The following ARHGAP18 variants were observed in gnomAD, a reference collection of about 807,000 sequenced individuals.
The protein encoded by ARHGAP18 is Rho GTPase activating protein 18, also known as rho GTPase-activating protein 18.
ARHGAP18 carries 67 observed loss-of-function variants against 86.2 expected under a neutral mutation model. The ratio of observed to expected loss-of-function variants is 0.78; its 90% CI spans 0.64 to 0.95. The LOEUF is 0.95. ARHGAP18 is among the 40% of genes least tolerant of loss of function. The probability of loss-of-function intolerance (pLI) is 0.00; values close to 1 mark genes in which losing one functional copy is unlikely to be tolerated. For missense variants in ARHGAP18, 691 were observed against 780.4 expected (o/e 0.89, Z 1.37); for synonymous variants, 283 against 280.4 (o/e 1.01, Z -0.09).
intron 13 of ARHGAP18, among the ~76,000 whole-genome samples, chr6:129,580,832 G>A (rs1788272382): frequency 6.6e-6 from 1 of 152,000 alleles, no homozygotes; most frequent in Admixed American, 6.6e-5. Context: ...CTGAGATTGT[G>A]CCACTGCACT....
rs1183077901 is a variant in ARHGAP18 at position 129,607,878 on chromosome 6, A to G, written c.1282+15T>C. Reference sequence around the variant, plus strand: ...CACCAGCAGAAGGACTGCTTCAAAGAGGGATAGCACTTACTCTGGACAGCC... The same window carrying G: ...CACCAGCAGAAGGACTGCTTCAAAGGGGGATAGCACTTACTCTGGACAGCC... On this transcript the variant is annotated intron_variant, in intron 9 of 14. Coordinates refer to ENST00000368149, the MANE Select transcript of ARHGAP18 (RefSeq NM_033515.3). The G allele has an allele frequency of 1.3e-6, 2 of 1,571,730 alleles. No homozygotes were observed. Among genetic ancestry groups the G allele is most frequent in the African/African-American group, 1.4e-5 (1 of 72,584 alleles).
intron 9 of ARHGAP18, among the ~76,000 whole-genome samples, chr6:129,606,865 CT>C (rs34265406): frequency 1.2e-3 from 167 of 144,270 alleles, no homozygotes; most frequent in Admixed American, 1.3e-3. Flanking sequence ...GCAATTTATT[CT>C]TTTTTTTTTT....
chr6:129,613,766 T>C (rs1156738069), intron 7 of ARHGAP18, among the ~76,000 whole-genome samples: 1 of 152,174 alleles, frequency 6.6e-6, no homozygotes, highest in Non-Finnish European at 1.5e-5. Context: ...AAATAATACT[T>C]TATAGCATTC....
rs1366516691 is a variant in ARHGAP18 at position 129,578,338 on chromosome 6, A to C, written c.*175T>G. On this transcript the variant is annotated 3_prime_UTR_variant, in exon 15 of 15. Transcript: ENST00000368149. The stretch of plus-strand genomic sequence containing the variant: ...TCTAATAATAACATTAATAATAATT[A>C]ATATAATTCTGGCAGCAGCACAAAT... 3 of 295,552 alleles carry C rather than the reference A, an allele frequency of 1.0e-5. No individual in the cohort carries two copies. Among genetic ancestry groups the C allele is most frequent in the African/African-American group, 6.6e-5 (3 of 45,748 alleles). The allele number at this position is 295,552 out of a possible 1,614,324, so 18.3% of individuals were successfully genotyped here. A position where few individuals can be genotyped will look rare whatever the true frequency, so the allele number is the denominator to read the frequency against.
chr6:129,709,741 A>T (rs142810448), intron 1 of ARHGAP18, among the ~76,000 whole-genome samples: 133 of 152,370 alleles, frequency 8.7e-4, no homozygotes, highest in African/African-American at 3.0e-3. Flanking sequence ...ATCTTTCAGC[A>T]TGTGCAAATG....
At chr6:129,628,250 G>GA (rs1218565655) in intron 5 of ARHGAP18, among the ~76,000 whole-genome samples, 2 of 152,276 alleles carry the variant, frequency 1.3e-5, no homozygotes, top group African/African-American at 4.8e-5. Flanking sequence ...TCTGCAGGGA[G>GA]AAAATTACAA....
intron 5 of ARHGAP18, among the ~76,000 whole-genome samples, chr6:129,628,853 T>A (rs1159900621): frequency 1.3e-5 from 2 of 152,156 alleles, no homozygotes; most frequent in African/African-American, 2.4e-5. Context: ...AAGAACAATA[T>A]TGTGACAATC....
At chr6:129,707,168 G>C (rs1366466224) in intron 1 of ARHGAP18, among the ~76,000 whole-genome samples, 1 of 151,968 alleles carries the variant, frequency 6.6e-6, no homozygotes, top group East Asian at 1.9e-4. Context: ...GGGAGGCAGA[G>C]GTTGTGGTGA....
intron 1 of ARHGAP18, among the ~76,000 whole-genome samples, chr6:129,649,927 T>C (rs1773671884): frequency 6.6e-6 from 1 of 150,858 alleles, no homozygotes; most frequent in Non-Finnish European, 1.5e-5. Context: ...TTTTTTTTTT[T>C]TGGAGACGGA....
intron 1 of ARHGAP18, among the ~76,000 whole-genome samples, chr6:129,655,048 C>A (rs746479133): frequency 6.6e-6 from 1 of 152,178 alleles, no homozygotes; most frequent in Non-Finnish European, 1.5e-5. Context: ...CGGCCGGGTG[C>A]GGTGGCTCAC....
At chr6:129,672,034 T>C (rs1171395545) in intron 1 of ARHGAP18, among the ~76,000 whole-genome samples, 1 of 151,936 alleles carries the variant, frequency 6.6e-6, no homozygotes, top group East Asian at 1.9e-4. Flanking sequence ...CAGGAACAGG[T>C]CACAAACCAT....
At chr6:129,633,301 G>A (rs1773257288) in intron 4 of ARHGAP18, among the ~76,000 whole-genome samples, 1 of 151,468 alleles carries the variant, frequency 6.6e-6, no homozygotes, top group African/African-American at 2.4e-5. Context: ...TGGGCATGGT[G>A]GCACATGCCT....
At chr6:129,635,936 A>G (rs1773322999) in intron 3 of ARHGAP18, among the ~76,000 whole-genome samples, 1 of 152,226 alleles carries the variant, frequency 6.6e-6, no homozygotes, top group Non-Finnish European at 1.5e-5. Flanking sequence ...CTTGCTGGAA[A>G]AATGTTGTTT....
chr6:129,686,978 CTTTTTTTTT>C (rs71028176), intron 1 of ARHGAP18, among the ~76,000 whole-genome samples: 3 of 106,938 alleles, frequency 2.8e-5, no homozygotes, highest in African/African-American at 6.9e-5. Flanking sequence ...TTTTTTTTTT[CTTTTTTTTT>C]TTTTTTTTTG....
chr6:129,592,461 C>T (rs1788536315), intron 12 of ARHGAP18, among the ~76,000 whole-genome samples: 2 of 152,300 alleles, frequency 1.3e-5, no homozygotes, highest in African/African-American at 4.8e-5. Flanking sequence ...AATGTGACAA[C>T]ATTATTCTGG....
At chr6:129,601,053 A>ATGG (rs1788731480) in intron 10 of ARHGAP18, among the ~76,000 whole-genome samples, 1 of 152,200 alleles carries the variant, frequency 6.6e-6, no homozygotes, top group African/African-American at 2.4e-5. Flanking sequence ...ACTAAGGACC[A>ATGG]TGGTGCTGGG....
intron 6 of ARHGAP18, among the ~76,000 whole-genome samples, chr6:129,616,599 A>G (rs1406966370): frequency 6.6e-6 from 1 of 152,248 alleles, no homozygotes. Flanking sequence ...CTGTGAGAGC[A>G]TGCAAAATAT....
At chr6:129,628,034 T>C (rs1053876306) in intron 5 of ARHGAP18, among the ~76,000 whole-genome samples, 7 of 152,130 alleles carry the variant, frequency 4.6e-5, no homozygotes, top group Non-Finnish European at 8.8e-5. Flanking sequence ...CTAATGAATG[T>C]TGGGGCTGAG....
intron 4 of ARHGAP18, among the ~76,000 whole-genome samples, chr6:129,632,472 T>C (rs1223698289): frequency 1.3e-5 from 2 of 152,026 alleles, no homozygotes; most frequent in Non-Finnish European, 2.9e-5. Flanking sequence ...AAAAGGACAA[T>C]GTTTTCCTCA....
Sources: gnomAD v4.1 joint callset for allele counts (sites outside exome capture counted in the v4.1 genomes callset) on GRCh38, gnomAD v4.1.1 for gene constraint, MANE v1.5 for transcripts, NCBI Gene and HGNC (gene_info 2026-07-23, HGNC 2026-07-21) for gene names.